Variants in UGT2B4 observed in about 807,000 individuals in gnomAD.
UGT2B4 encodes the protein UDP glucuronosyltransferase family 2 member B4.
Under a neutral mutation model 49.8 loss-of-function variants are expected in UGT2B4, and 49 were observed. That is an observed-to-expected ratio of 0.98 (90% confidence interval 0.78 to 1.25). The LOEUF (loss-of-function observed/expected upper bound fraction) is 1.25, where lower values mean the gene tolerates loss of function less well. Ranked by LOEUF, UGT2B4 falls within the 50% of genes most tolerant of loss-of-function variation. The pLI is 0.00. For synonymous variants in UGT2B4, 246 were observed against 217.7 expected (o/e 1.13, Z -1.14); for missense variants, 729 against 627.7 (o/e 1.16, Z -1.73).
intron 1 of UGT2B4, among the ~76,000 whole-genome samples, chr4:69,509,607 T>C (rs1026969795): frequency 3.3e-5 from 5 of 152,218 alleles, no homozygotes; most frequent in African/African-American, 1.2e-4. Flanking sequence ...TTGAGCATTT[T>C]ATCATACAGC....
At chr4:69,481,215 G>C (rs1168049967) in intron 5 of UGT2B4, among the ~76,000 whole-genome samples, 1 of 151,386 alleles carries the variant, frequency 6.6e-6, no homozygotes, top group African/African-American at 2.4e-5. Flanking sequence ...GTTGCAGTGA[G>C]CCACAATCAC....
upstream of UGT2B4, among the ~76,000 whole-genome samples, chr4:69,500,629 G>GA (rs1274019872): frequency 7.5e-6 from 1 of 134,062 alleles, no homozygotes; most frequent in East Asian, 2.0e-4. Flanking sequence ...AAGAAAGAAA[G>GA]AAAGAAAGAA....
intron 1 of UGT2B4, among the ~76,000 whole-genome samples, chr4:69,502,810 A>C (rs1451268886): frequency 6.6e-6 from 1 of 152,108 alleles, no homozygotes; most frequent in Non-Finnish European, 1.5e-5. Flanking sequence ...TGCCATATTC[A>C]CACCCCCAAC....
intron 4 of UGT2B4, 130 bp downstream of exon 4, chr4:69,486,479 A>G: frequency 1.8e-6 from 1 of 564,934 alleles, no homozygotes; most frequent in Non-Finnish European, 2.8e-6. Context: ...TGGAAAATAA[A>G]TATAAAGAAG....
At chr4:69,510,594 T>C (rs1297434673) in intron 1 of UGT2B4, among the ~76,000 whole-genome samples, 1 of 152,186 alleles carries the variant, frequency 6.6e-6, no homozygotes, top group Non-Finnish European at 1.5e-5. Flanking sequence ...TGTTTCTGTA[T>C]AGGATTCTTT....
intron 1 of UGT2B4, among the ~76,000 whole-genome samples, chr4:69,515,587 C>G (rs962514222): frequency 6.6e-6 from 1 of 152,148 alleles, no homozygotes; most frequent in South Asian, 2.1e-4. Flanking sequence ...CCTAACATCT[C>G]AACTAAAAGA....
intron 1 of UGT2B4, among the ~76,000 whole-genome samples, chr4:69,518,972 G>A (rs897747640): frequency 6.6e-6 from 1 of 152,120 alleles, no homozygotes; most frequent in African/African-American, 2.4e-5. Flanking sequence ...GTGACGAAAG[G>A]TTTGGTAGGA....
chr4:69,510,977 C>CCT (rs1486311871), intron 1 of UGT2B4, among the ~76,000 whole-genome samples: 13 of 98,168 alleles, frequency 1.3e-4, no homozygotes, highest in Non-Finnish European at 1.3e-4. Flanking sequence ...AATACTCTTT[C>CCT]TTTTCTTTTC....
intron 2 of UGT2B4, among the ~76,000 whole-genome samples, chr4:69,490,838 A>C (rs182183655): frequency 6.6e-6 from 1 of 152,236 alleles, no homozygotes. Flanking sequence ...ATTTGATGTA[A>C]CTTACGTTCA....
rs1410722086 is a variant in UGT2B4 at position 69,480,611 on chromosome 4, C to T, written c.*23G>A. On this transcript the variant is annotated 3_prime_UTR_variant, in exon 6 of 6. Coordinates refer to ENST00000305107, the MANE Select transcript of UGT2B4 (RefSeq NM_021139.3). ...TAAAGGAGTTCATTTATTGGGTTTCCCAGCTTCCAGCCTCAGACGTAATTA... is the reference window on the plus strand; with the variant it reads ...TAAAGGAGTTCATTTATTGGGTTTCTCAGCTTCCAGCCTCAGACGTAATTA... The T allele has an allele frequency of 6.2e-7, 1 of 1,606,496 alleles. No homozygotes were observed. The highest frequency in any genetic ancestry group is 1.3e-5 in the African/African-American group (1 of 74,632).
At chr4:69,514,579 T>A (rs1272721824) in intron 1 of UGT2B4, among the ~76,000 whole-genome samples, 1 of 152,218 alleles carries the variant, frequency 6.6e-6, no homozygotes, top group Non-Finnish European at 1.5e-5. Context: ...CCATTCAGTA[T>A]GATGTTGGCT....
At chr4:69,524,776 C>T (rs34291474) in intron 1 of UGT2B4, among the ~76,000 whole-genome samples, 53,244 of 151,358 alleles carry the variant, frequency 0.35, 9,505 homozygotes, top group Non-Finnish European at 0.37. Flanking sequence ...TCCTATGAAG[C>T]ATATTATAAT....
upstream of UGT2B4, among the ~76,000 whole-genome samples, chr4:69,500,621 G>T (rs1350325330): frequency 8.1e-6 from 1 of 124,104 alleles, no homozygotes. Flanking sequence ...AAGAAAGAAA[G>T]AAAGAAAGAA....
chr4:69,480,713 G>T lies in UGT2B4; in HGVS notation c.1508C>A (p.Thr503Asn). 2.5e-6 allele frequency: 4 copies of T among 1,613,980 alleles called. No individual in the cohort carries two copies. Among genetic ancestry groups the T allele is most frequent in the Non-Finnish European group, 3.4e-6 (4 of 1,179,958 alleles). Residue 503 changes from threonine (T) to asparagine (N), a missense_variant, in exon 6 of 6, where the codon ACT becomes AAT. Coordinates refer to ENST00000305107, the MANE Select transcript of UGT2B4 (RefSeq NM_021139.3). ...VTGFLLACVA[T>N]VIFIITKCLF... ...ACATTTTGTGATGATGAATATCACA[G>T]TTGCCACACAGGCCAGCAGGAACCC...
intron 1 of UGT2B4, among the ~76,000 whole-genome samples, chr4:69,502,773 G>A (rs1018933539): frequency 6.6e-6 from 1 of 152,048 alleles, no homozygotes; most frequent in African/African-American, 2.4e-5. Flanking sequence ...GCTACCCTCA[G>A]ACTACCAAAG....
chr4:69,494,689 A>G (rs1183569024), intron 1 of UGT2B4, among the ~76,000 whole-genome samples: 1 of 152,156 alleles, frequency 6.6e-6, no homozygotes, highest in East Asian at 1.9e-4. Context: ...TAACATGGGT[A>G]CATATTGCAA....
upstream of UGT2B4, among the ~76,000 whole-genome samples, chr4:69,499,313 C>T (rs1488028061): frequency 2.0e-5 from 3 of 152,154 alleles, no homozygotes; most frequent in East Asian, 1.9e-4. Context: ...AAGTGCAATG[C>T]GGTACAAAGA....
At chr4:69,489,354 C>G in intron 3 of UGT2B4, 85 bp downstream of exon 3, 3 of 1,551,796 alleles carry the variant, frequency 1.9e-6, no homozygotes, top group Non-Finnish European at 2.6e-6. Flanking sequence ...AATATATAGG[C>G]AGGAAGTTTC....
intron 5 of UGT2B4, among the ~76,000 whole-genome samples, chr4:69,484,582 ATAATC>A (rs1220849354): frequency 1.3e-5 from 2 of 152,300 alleles, no homozygotes; most frequent in African/African-American, 2.4e-5. Context: ...TGTAGAGAGA[ATAATC>A]TATAGAGAAG....
Sources: allele counts gnomAD v4.1 joint callset (sites outside exome capture counted in the v4.1 genomes callset), GRCh38; gene constraint gnomAD v4.1.1; transcripts MANE v1.5; gene names NCBI Gene and HGNC (gene_info 2026-07-23, HGNC 2026-07-21).